Variants in COL12A1 observed in about 807,000 individuals in gnomAD.
COL12A1 encodes the protein collagen type XII alpha 1 chain.
In COL12A1, 114 loss-of-function variants were observed where a neutral mutation model predicts 349.7. The observed-to-expected ratio is 0.33, with a 90% CI of 0.28 to 0.38. COL12A1 has a LOEUF of 0.38. Among genes scored for constraint, COL12A1 ranks in the 10% least tolerant of loss-of-function variants. The probability of loss-of-function intolerance (pLI) is 1.00; values close to 1 mark genes in which losing one functional copy is unlikely to be tolerated. For synonymous variants in COL12A1, 1,369 were observed against 1,329.0 expected, an observed-to-expected ratio of 1.03 and a Z score of -0.66; for missense variants, 3,284 against 3,756.9, an observed-to-expected ratio of 0.87 and a Z score of 3.29.
chr6:75,166,937 C>T (rs1768341464), intron 13 of COL12A1, among the ~76,000 whole-genome samples: 1 of 152,038 alleles, frequency 6.6e-6, no homozygotes, highest in Non-Finnish European at 1.5e-5. Context: ...GGGCAGCCTA[C>T]CAGACCCCAA....
At chr6:75,160,015 G>A (rs1486377858) in intron 14 of COL12A1, among the ~76,000 whole-genome samples, 1 of 151,302 alleles carries the variant, frequency 6.6e-6, no homozygotes, top group African/African-American at 2.4e-5. Context: ...ATACAGTATA[G>A]CATATCTCAT....
intron 21 of COL12A1, 37 bp downstream of exon 21, chr6:75,151,104 G>T: frequency 1.2e-6 from 1 of 803,636 alleles, no homozygotes; most frequent in Non-Finnish European, 1.7e-6. Flanking sequence ...CAAAATACCA[G>T]CAGTGCTGAG....
In COL12A1 at chr6:75,179,096, A is replaced by C. The variant is rs548220064; in HGVS notation, c.2165-1161T>G. Among the ~76,000 whole-genome samples the C allele has an allele frequency of 5.3e-5, 8 of 152,332 alleles. No individual in the cohort carries two copies. The South Asian group carries it at 1.7e-3, about 32-fold the overall frequency. On this transcript the variant is annotated intron_variant, in intron 11 of 65. Transcript: ENST00000322507. Reference sequence around the variant, plus strand: ...TTAAATGAGATAATCTATGGAAAACATTTAGCAGAGCCCCTGACACATAGC... The same window carrying C: ...TTAAATGAGATAATCTATGGAAAACCTTTAGCAGAGCCCCTGACACATAGC...
intron 62 of COL12A1, 96 bp downstream of exon 62, chr6:75,091,222 AAAGAG>A: frequency 2.2e-6 from 2 of 924,618 alleles, no homozygotes; most frequent in South Asian, 1.6e-5. Context: ...AAATGAAATG[AAAGAG>A]AAATCTATCT....
intron 1 of COL12A1, 132 bp from the exon 2 acceptor site, chr6:75,202,959 A>C (rs1283642403): frequency 3.4e-6 from 2 of 594,558 alleles, no homozygotes; most frequent in Non-Finnish European, 6.0e-6. Flanking sequence ...ACTCCAGCAC[A>C]TAATGGGCCT....
At chr6:75,202,605 G>A (rs1404609545) in intron 2 of COL12A1, 115 bp downstream of exon 2, 23 of 1,035,404 alleles carry the variant, frequency 2.2e-5, no homozygotes, top group Non-Finnish European at 3.0e-5. Flanking sequence ...AGAAACCACC[G>A]GAGAAAGCAC....
At chr6:75,095,377 G>A (rs1227538117) in intron 59 of COL12A1, among the ~76,000 whole-genome samples, 198 bp from the exon 60 acceptor site, 1 of 152,136 alleles carries the variant, frequency 6.6e-6, no homozygotes, top group Admixed American at 6.5e-5. Flanking sequence ...CAGCACTTTG[G>A]GAGGCCGAGG....
At chr6:75,127,921 G>T (rs1002402942) in intron 38 of COL12A1, among the ~76,000 whole-genome samples, 1 of 152,094 alleles carries the variant, frequency 6.6e-6, no homozygotes, top group East Asian at 1.9e-4. Context: ...AGATTCAATC[G>T]CAATGGAATA....
intron 13 of COL12A1, among the ~76,000 whole-genome samples, chr6:75,166,035 C>A (rs1036626930): frequency 6.6e-6 from 1 of 152,012 alleles, no homozygotes; most frequent in East Asian, 1.9e-4. Flanking sequence ...TCTTGTCCTT[C>A]AGGACAAGAT....
intron 17 of COL12A1, among the ~76,000 whole-genome samples, chr6:75,153,501 G>A (rs997443017): frequency 2.6e-5 from 4 of 151,796 alleles, no homozygotes; most frequent in African/African-American, 9.7e-5. Flanking sequence ...AAATTTTCCA[G>A]TTTATTACAA....
At chr6:75,129,716 G>A (rs1030996977) in intron 37 of COL12A1, among the ~76,000 whole-genome samples, 1 of 152,106 alleles carries the variant, frequency 6.6e-6, no homozygotes, top group African/African-American at 2.4e-5. Flanking sequence ...TTGAGGAAAG[G>A]GTAAGATTTG....
At position 75,086,387 on chromosome 6, in the gene COL12A1, T is replaced by G; in HGVS notation, c.*160A>C. 1 of 406,634 alleles carries G rather than the reference T, an allele frequency of 2.5e-6. No individual in the cohort carries two copies. Among genetic ancestry groups the G allele is most frequent in the South Asian group, 4.9e-5 (1 of 20,582 alleles). 25.2% of individuals were successfully genotyped at this position (406,634 alleles called of 1,614,324 possible). ...GTCTCATTCAAGTTAGTAAAAAGAG[T>G]CTCCACCCTCCTTTGTGATGTCGAC... On this transcript the variant is annotated 3_prime_UTR_variant, in exon 66 of 66. Coordinates refer to ENST00000322507, the MANE Select transcript of COL12A1 (RefSeq NM_004370.6).
In COL12A1 at chr6:75,156,320, T is replaced by A; in HGVS notation, c.3187A>T (p.Ile1063Phe). ...ATCTTGTAAATAGGAAGAACTGTGATGTCATATGTGGTCTGTGGCTGAAGT... is the reference window on the plus strand; with the variant it reads ...ATCTTGTAAATAGGAAGAACTGTGAAGTCATATGTGGTCTGTGGCTGAAGT... ...KRLQPQTTYD[I>F]TVLPIYKMGE... Residue 1063 changes from isoleucine (I) to phenylalanine (F), a missense_variant, in exon 15 of 66, where the codon ATC becomes TTC. Ile to Phe is a conservative substitution (Grantham distance 21). Transcript: ENST00000322507. The A allele has an allele frequency of 1.2e-6, 2 of 1,613,988 alleles. No individual in the cohort carries two copies.
chr6:75,090,150 G>A lies in COL12A1; in HGVS notation c.8901C>T (p.Phe2967=). ...GTCCCTGCATCCCTGGTGTGCCCGGGAAGCCTGGCCGCCCCCCAGGCCCAG... is the reference window on the plus strand; with the variant it reads ...GTCCCTGCATCCCTGGTGTGCCCGGAAAGCCTGGCCGCCCCCCAGGCCCAG... ...GEPGPGGRPG[F]PGTPGMQGPP... is the part of the protein sequence containing the mutation. The change falls in exon 63 of 66, where the codon TTC becomes TTT. Residue 2967 remains phenylalanine (F), a synonymous_variant. Transcript: ENST00000322507. This position sits in a 1 kb window ranked among gnomAD's most constrained non-coding sequence, Gnocchi z 4.1. 1 of 1,613,908 alleles carries A rather than the reference G, an allele frequency of 6.2e-7. No homozygotes were observed. Among genetic ancestry groups the A allele is most frequent in the South Asian group, 1.1e-5 (1 of 91,054 alleles).
intron 2 of COL12A1, among the ~76,000 whole-genome samples, chr6:75,195,161 CTT>C (rs1434098551): frequency 6.6e-6 from 1 of 152,128 alleles, no homozygotes; most frequent in Non-Finnish European, 1.5e-5. Flanking sequence ...GCACAAAACA[CTT>C]TTGATTCTTG....
chr6:75,164,809 A>G (rs1768202310), intron 14 of COL12A1, among the ~76,000 whole-genome samples: 1 of 152,002 alleles, frequency 6.6e-6, no homozygotes, highest in African/African-American at 2.4e-5. Flanking sequence ...CACCAGCCAG[A>G]TGATTATGAT....
rs768401550 is a variant in COL12A1, at chr6:75,151,208, A to G, written c.4080T>C (p.Asp1360=). Residue 1360 remains aspartate, a synonymous_variant, in exon 21 of 66, where the codon GAT becomes GAC. Transcript: ENST00000322507. ...PDDTHAYNVA[D]FESLSRIVDD... ...CCACTATCCTGGAGAGTGACTCAAA[A>G]TCTGCCACATTGTATGCATGGGTAT... The G allele has an allele frequency of 6.2e-7, 1 of 1,613,600 alleles. No homozygotes were observed. Among genetic ancestry groups the G allele is most frequent in the South Asian group, 1.1e-5 (1 of 91,058 alleles).
intron 58 of COL12A1, 126 bp from the exon 59 acceptor site, chr6:75,097,432 G>T (rs1768101598): frequency 1.7e-6 from 1 of 574,360 alleles, no homozygotes; most frequent in Non-Finnish European, 3.1e-6. Context: ...TGTTTGGGAG[G>T]TAAGCTTTCA....
chr6:75,197,313 C>CTTTTCTTT (rs753690942), intron 2 of COL12A1, among the ~76,000 whole-genome samples: 1 of 141,750 alleles, frequency 7.1e-6, no homozygotes, highest in African/African-American at 2.6e-5. Flanking sequence ...CTTTTCTTTT[C>CTTTTCTTT]TTTTTTTTTT....
Sources: allele counts gnomAD v4.1 joint callset (sites outside exome capture counted in the v4.1 genomes callset), GRCh38; gene constraint gnomAD v4.1.1; non-coding constraint Gnocchi (gnomAD v3.1); transcripts MANE v1.5; gene names NCBI Gene and HGNC (gene_info 2026-07-23, HGNC 2026-07-21).